The following PREX1 variants were observed in gnomAD, a reference collection of about 807,000 sequenced individuals.
PREX1 encodes the protein phosphatidylinositol-3,4,5-trisphosphate dependent Rac exchange factor 1.
In PREX1, 41 loss-of-function variants were observed where a neutral mutation model predicts 198.3. The observed-to-expected ratio is 0.21, with a 90% CI of 0.16 to 0.27. PREX1 has a LOEUF of 0.27. PREX1 is among the 10% of genes least tolerant of loss of function. The pLI is 1.00. For synonymous variants in PREX1, 843 were observed against 887.2 expected, an observed-to-expected ratio of 0.95 and a Z score of 0.89; for missense variants, 1,620 against 2,200.7, an observed-to-expected ratio of 0.74 and a Z score of 5.28.
At chr20:48,687,921 T>C (rs1048478634) in intron 10 of PREX1, among the ~76,000 whole-genome samples, 3 of 152,164 alleles carry the variant, frequency 2.0e-5, no homozygotes, top group Admixed American at 1.3e-4. Context: ...GAGAAGTTTA[T>C]AGAAGCTTCC....
intron 1 of PREX1, among the ~76,000 whole-genome samples, chr20:48,788,207 G>T (rs2090321997): frequency 6.6e-6 from 1 of 152,208 alleles, no homozygotes; most frequent in Non-Finnish European, 1.5e-5. Flanking sequence ...GGCGGGCAGT[G>T]TCCTCGAGCC....
chr20:48,878,750 C>T, the PREX1 span, among the ~76,000 whole-genome samples: 1 of 152,146 alleles, frequency 6.6e-6, no homozygotes, highest in Non-Finnish European at 1.5e-5. Flanking sequence ...GTGACTTAGG[C>T]CTGGCCAATC....
At chr20:48,627,690 T>C (rs1418560057) in intron 38 of PREX1, 75 bp from the exon 39 acceptor site, 4 of 739,008 alleles carry the variant, frequency 5.4e-6, no homozygotes, top group East Asian at 3.7e-5. Context: ...GGGGTGGGGG[T>C]GGGGCCCAGA....
upstream of PREX1, among the ~76,000 whole-genome samples, chr20:48,830,245 A>G (rs890092442): frequency 9.2e-5 from 14 of 152,214 alleles, no homozygotes; most frequent in African/African-American, 3.4e-4. Flanking sequence ...ACACACCTGT[A>G]GTACCAGCTG....
intron 30 of PREX1, among the ~76,000 whole-genome samples, chr20:48,639,014 G>C (rs1323338212): frequency 6.6e-6 from 1 of 152,252 alleles, no homozygotes; most frequent in Non-Finnish European, 1.5e-5. Flanking sequence ...ACAGCCCAGA[G>C]TCCTCTAATC....
At chr20:48,818,206 AG>A (rs751476185) in intron 1 of PREX1, among the ~76,000 whole-genome samples, 3 of 152,248 alleles carry the variant, frequency 2.0e-5, no homozygotes, top group South Asian at 2.1e-4. Flanking sequence ...GAAGTGGGCG[AG>A]GGGGTAAGAG....
At chr20:48,768,833 G>A (rs923553913) in intron 1 of PREX1, among the ~76,000 whole-genome samples, 1 of 152,028 alleles carries the variant, frequency 6.6e-6, no homozygotes, top group Non-Finnish European at 1.5e-5. Context: ...AGGGGCTCAA[G>A]GGGACTCTGG....
chr20:48,655,209 C>T (rs113688324), intron 19 of PREX1, 81 bp downstream of exon 19: 1 of 1,343,800 alleles, frequency 7.4e-7, no homozygotes, highest in Non-Finnish European at 1.0e-6. Context: ...GCCTAGAGTT[C>T]AGAAGGCTCT....
intron 6 of PREX1, among the ~76,000 whole-genome samples, chr20:48,706,215 G>A (rs1468829824): frequency 6.6e-6 from 1 of 152,194 alleles, no homozygotes; most frequent in Non-Finnish European, 1.5e-5. Flanking sequence ...AAAGGCATCT[G>A]GAAATCACTT....
At chr20:48,773,896 C>T (rs565162014) in intron 1 of PREX1, among the ~76,000 whole-genome samples, 26 of 152,234 alleles carry the variant, frequency 1.7e-4, no homozygotes, top group African/African-American at 5.8e-4. Flanking sequence ...GGAGGAGTCT[C>T]CTGCAATCGT....
chr20:48,879,316 GA>G, the PREX1 span, among the ~76,000 whole-genome samples: 2 of 152,076 alleles, frequency 1.3e-5, no homozygotes, highest in Non-Finnish European at 2.9e-5. Context: ...CTTTACCTAA[GA>G]AAAAAATGTT....
chr20:48,800,648 G>T (rs1019559229), intron 1 of PREX1, among the ~76,000 whole-genome samples: 8 of 152,094 alleles, frequency 5.3e-5, no homozygotes, highest in African/African-American at 1.9e-4. Context: ...GCGTAAAAGG[G>T]AGTACAGCCT....
intron 1 of PREX1, among the ~76,000 whole-genome samples, chr20:48,773,355 C>A (rs2090245816): frequency 6.6e-6 from 1 of 151,984 alleles, no homozygotes; most frequent in Non-Finnish European, 1.5e-5. Flanking sequence ...CATCTAGCTA[C>A]CACATCCTAC....
intron 1 of PREX1, among the ~76,000 whole-genome samples, chr20:48,795,755 T>TA (rs2090359455): frequency 6.6e-6 from 1 of 152,068 alleles, no homozygotes; most frequent in African/African-American, 2.4e-5. Flanking sequence ...TATCCAGACA[T>TA]ACACATCCCA....
intron 16 of PREX1, among the ~76,000 whole-genome samples, chr20:48,658,744 T>A (rs192262546): frequency 2.0e-5 from 3 of 151,830 alleles, no homozygotes; most frequent in Admixed American, 2.0e-4. Flanking sequence ...ATGCAGGGAG[T>A]GTACGTAGTT....
At chr20:48,707,335 A>C (rs6012516) in intron 6 of PREX1, among the ~76,000 whole-genome samples, 111 of 152,150 alleles carry the variant, frequency 7.3e-4, no homozygotes, top group African/African-American at 2.7e-3. Context: ...CCCAGCAGAA[A>C]GAGCGCAGGG....
chr20:48,849,095 C>CAAA, the PREX1 span, among the ~76,000 whole-genome samples: 1 of 131,188 alleles, frequency 7.6e-6, no homozygotes. Flanking sequence ...GACCCTGTCT[C>CAAA]AAAAAAAAAA....
intron 20 of PREX1, among the ~76,000 whole-genome samples, chr20:48,652,994 A>C (rs1296835085): frequency 3.9e-5 from 6 of 152,176 alleles, no homozygotes; most frequent in Non-Finnish European, 7.4e-5. Context: ...TGAACCAGTG[A>C]ATCAATCAAT....
chr20:48,717,988 A>C (rs1014366217), intron 5 of PREX1, among the ~76,000 whole-genome samples: 2 of 152,200 alleles, frequency 1.3e-5, no homozygotes, highest in Admixed American at 1.3e-4. Context: ...TTGCGTTTCC[A>C]CCTTACAGTA....
Sources: allele counts gnomAD v4.1 joint callset (sites outside exome capture counted in the v4.1 genomes callset), GRCh38; gene constraint gnomAD v4.1.1; transcripts MANE v1.5; gene names NCBI Gene and HGNC (gene_info 2026-07-23, HGNC 2026-07-21).